The following TLK1 variants were observed in gnomAD, a reference collection of about 807,000 sequenced individuals.
TLK1 encodes serine/threonine-protein kinase tousled-like 1.
In TLK1, 24 loss-of-function variants were observed where a neutral mutation model predicts 105.3. The observed-to-expected ratio is 0.23, with a 90% confidence interval of 0.17 to 0.32. The LOEUF is 0.32. TLK1 is among the 10% of genes least tolerant of loss of function. The pLI is 1.00. For synonymous variants in TLK1, 321 were observed against 310.4 expected (o/e 1.03, Z -0.36); for missense variants, 558 against 910.5 (o/e 0.61, Z 4.98).
chr2:171,187,380 G>A (rs895602153), intron 1 of TLK1, among the ~76,000 whole-genome samples: 12 of 152,168 alleles, frequency 7.9e-5, no homozygotes, highest in Admixed American at 5.2e-4. Flanking sequence ...GATAACTCAG[G>A]TGACTCCCAA....
intron 2 of TLK1, among the ~76,000 whole-genome samples, chr2:171,098,134 G>A (rs1345935708): frequency 6.6e-6 from 1 of 152,018 alleles, no homozygotes; most frequent in Non-Finnish European, 1.5e-5. Flanking sequence ...TTTGGTAAAA[G>A]GGTACAAAGG....
chr2:171,158,911 G>C (rs1386244245), intron 1 of TLK1, among the ~76,000 whole-genome samples: 1 of 152,218 alleles, frequency 6.6e-6, no homozygotes, highest in East Asian at 1.9e-4. Flanking sequence ...TATTCCGCAT[G>C]TTTAATGGAT....
intron 1 of TLK1, among the ~76,000 whole-genome samples, chr2:171,205,848 G>C (rs1019855628): frequency 6.6e-6 from 1 of 152,078 alleles, no homozygotes; most frequent in Non-Finnish European, 1.5e-5. Context: ...TGTAAGTTTG[G>C]GATTGAAATG....
chr2:171,094,223 G>C (rs1429042983), intron 2 of TLK1, among the ~76,000 whole-genome samples: 4 of 152,076 alleles, frequency 2.6e-5, no homozygotes, highest in Non-Finnish European at 4.4e-5. Context: ...AAAGAGTAGG[G>C]GCAGAAGCAC....
rs747598669 is a variant in TLK1 at position 171,160,464 on chromosome 2, G to A, written c.-36C>T. 5 of 1,577,280 alleles carry A rather than the reference G, an allele frequency of 3.2e-6. No homozygotes were observed. Among genetic ancestry groups the A allele is most frequent in the Admixed American group, 1.8e-5 (1 of 54,076 alleles). ...TCTGGGAACCCGACTCCCCCCCTGC[G>A]ACGGCAGCGGCGGCAACGGCACCGG... is the stretch of plus-strand genomic sequence containing the variant. On this transcript the variant is annotated 5_prime_UTR_variant, in exon 1 of 21. Coordinates refer to ENST00000431350, the MANE Select transcript of TLK1 (RefSeq NM_012290.5). The surrounding 1 kb of genome is among the most constrained non-coding windows in gnomAD (Gnocchi z 4.4).
intron 1 of TLK1, among the ~76,000 whole-genome samples, chr2:171,194,372 T>C (rs927063684): frequency 3.3e-5 from 5 of 152,214 alleles, no homozygotes; most frequent in Non-Finnish European, 7.3e-5. Context: ...AGAAATCTTA[T>C]GAAATCCTGT....
At chr2:171,151,422 T>C (rs533339260) in intron 1 of TLK1, among the ~76,000 whole-genome samples, 1 of 152,048 alleles carries the variant, frequency 6.6e-6, no homozygotes, top group African/African-American at 2.4e-5. Context: ...AATGAATTAC[T>C]ATTTACAAAT....
At chr2:171,098,668 A>G (rs1316553880) in intron 2 of TLK1, among the ~76,000 whole-genome samples, 3 of 152,200 alleles carry the variant, frequency 2.0e-5, no homozygotes, top group Non-Finnish European at 4.4e-5. Flanking sequence ...TAAAAACATC[A>G]CAAGAAAATT....
At chr2:171,161,797 A>G (rs1252626454), upstream of TLK1, among the ~76,000 whole-genome samples, 4 of 152,226 alleles carry the variant, frequency 2.6e-5, no homozygotes, top group Non-Finnish European at 4.4e-5. Context: ...ATTTATAGAT[A>G]GAGTGTAGCT....
chr2:171,000,574 T>C (rs1055845806), intron 18 of TLK1, among the ~76,000 whole-genome samples: 1 of 151,992 alleles, frequency 6.6e-6, no homozygotes, highest in African/African-American at 2.4e-5. Flanking sequence ...TAAGTGAAAG[T>C]GGATTATGAC....
chr2:171,056,687 G>T, intron 5 of TLK1, 121 bp from the exon 6 acceptor site: 1 of 683,402 alleles, frequency 1.5e-6, no homozygotes, highest in Non-Finnish European at 2.3e-6. Flanking sequence ...TCATTTAAAT[G>T]GGTCCAGAAC....
intron 3 of TLK1, among the ~76,000 whole-genome samples, chr2:171,065,154 C>T (rs1687930204): frequency 6.6e-6 from 1 of 152,024 alleles, no homozygotes; most frequent in African/African-American, 2.4e-5. Flanking sequence ...AACAGATAAC[C>T]ACCTGTATAA....
At chr2:171,177,759 C>A (rs1692856607) in intron 1 of TLK1, among the ~76,000 whole-genome samples, 1 of 152,082 alleles carries the variant, frequency 6.6e-6, no homozygotes, top group Non-Finnish European at 1.5e-5. Context: ...GAACAAAAAG[C>A]TTTTATATTA....
intron 1 of TLK1, among the ~76,000 whole-genome samples, chr2:171,182,278 CTTTCCCCCAAA>C (rs1692941299): frequency 6.6e-6 from 1 of 152,218 alleles, no homozygotes; most frequent in African/African-American, 2.4e-5. Flanking sequence ...TCTCAAAGTA[CTTTCCCCCAAA>C]TTCTTATTAA....
At chr2:171,057,750 T>G (rs1687570698) in intron 5 of TLK1, among the ~76,000 whole-genome samples, 1 of 152,098 alleles carries the variant, frequency 6.6e-6, no homozygotes, top group Admixed American at 6.5e-5. Context: ...AATTCAGACT[T>G]TGCCTTAAAT....
rs779544537 is a variant in TLK1, at chr2:171,160,459, C to G, written c.-31G>C. The G allele has an allele frequency of 1.3e-5, 20 of 1,583,230 alleles. No individual in the cohort carries two copies. The highest frequency in any genetic ancestry group is 1.6e-5 in the Non-Finnish European group (19 of 1,167,964). On this transcript the variant is annotated 5_prime_UTR_variant, in exon 1 of 21. Transcript: ENST00000431350. The surrounding 1 kb of genome is among the most constrained non-coding windows in gnomAD (Gnocchi z 4.4). ...TACTTTCTGGGAACCCGACTCCCCC[C>G]CTGCGACGGCAGCGGCGGCAACGGC...
At chr2:171,208,392 A>G (rs1693548123) in intron 1 of TLK1, among the ~76,000 whole-genome samples, 1 of 152,188 alleles carries the variant, frequency 6.6e-6, no homozygotes, top group South Asian at 2.1e-4. Flanking sequence ...TTTAGAAACA[A>G]TGTTTAAATG....
intron 13 of TLK1, 82 bp from the exon 14 acceptor site, chr2:171,011,536 C>T: frequency 9.5e-7 from 1 of 1,057,124 alleles, no homozygotes. Flanking sequence ...CTCTCTTATT[C>T]TATTCCTAGC....
chr2:171,091,118 A>G (rs556797407), intron 2 of TLK1, among the ~76,000 whole-genome samples: 1 of 152,210 alleles, frequency 6.6e-6, no homozygotes, highest in Non-Finnish European at 1.5e-5. Flanking sequence ...TACATATGGT[A>G]TATGTCTGCT....
Sources: allele counts gnomAD v4.1 joint callset (sites outside exome capture counted in the v4.1 genomes callset), GRCh38; gene constraint gnomAD v4.1.1; non-coding constraint Gnocchi (gnomAD v3.1); transcripts MANE v1.5; gene names NCBI Gene and HGNC (gene_info 2026-07-23, HGNC 2026-07-21).